DCAF10: variants seen among roughly 807,000 people sequenced by gnomAD.
The protein encoded by DCAF10 is DDB1- and CUL4-associated factor 10.
Under a neutral mutation model 51.9 loss-of-function variants are expected in DCAF10, and 19 were observed. The ratio of observed to expected loss-of-function variants is 0.37; its 90% CI spans 0.26 to 0.54. DCAF10 has a LOEUF of 0.54. DCAF10 is among the 20% of genes least tolerant of loss of function. The probability of loss-of-function intolerance (pLI) is 0.87; values close to 1 mark genes in which losing one functional copy is unlikely to be tolerated. For missense variants in DCAF10, 510 were observed against 730.6 expected, an observed-to-expected ratio of 0.70 and a Z score of 3.48; for synonymous variants, 291 against 297.1, an observed-to-expected ratio of 0.98 and a Z score of 0.21.
chr9:37,814,926 T>C (rs1228342838), intron 1 of DCAF10, among the ~76,000 whole-genome samples: 2 of 152,134 alleles, frequency 1.3e-5, no homozygotes, highest in African/African-American at 4.8e-5. Context: ...AAAATTACCA[T>C]GCAATTTCGC....
intron 6 of DCAF10, 86 bp downstream of exon 6, chr9:37,860,279 C>T (rs1047552536): frequency 6.0e-5 from 92 of 1,533,076 alleles, no homozygotes; most frequent in Non-Finnish European, 7.7e-5. Context: ...CGATCGCTGA[C>T]TGCAGTCTCT....
chr9:37,843,276 A>G (rs1459479016), intron 3 of DCAF10, among the ~76,000 whole-genome samples: 1 of 152,150 alleles, frequency 6.6e-6, no homozygotes, highest in Non-Finnish European at 1.5e-5. Context: ...CTTAGCTCCC[A>G]AAATACAAGG....
chr9:37,810,804 G>A (rs935371351), intron 1 of DCAF10, among the ~76,000 whole-genome samples: 1 of 152,056 alleles, frequency 6.6e-6, no homozygotes, highest in Non-Finnish European at 1.5e-5. Context: ...GGATAGATGA[G>A]ATTACAAGAA....
intron 3 of DCAF10, among the ~76,000 whole-genome samples, chr9:37,852,622 C>T (rs796532327): frequency 1.3e-5 from 2 of 151,998 alleles, no homozygotes; most frequent in African/African-American, 4.8e-5. Context: ...TAAAGATTTT[C>T]AGAACAGGCT....
intron 2 of DCAF10, chr9:37,836,321 A>G (rs1445384490): frequency 1.9e-6 from 3 of 1,609,160 alleles, no homozygotes; most frequent in Admixed American, 3.3e-5. Flanking sequence ...CAAAGACACA[A>G]TTAGAACAGT....
At chr9:37,836,093 A>G in intron 2 of DCAF10, 1 of 1,220,304 alleles carries the variant, frequency 8.2e-7, no homozygotes, top group South Asian at 1.2e-5. Context: ...TTGATGCTAA[A>G]GAACTTGGTA....
chr9:37,852,131 G>A (rs990858117), intron 3 of DCAF10, among the ~76,000 whole-genome samples: 1 of 152,064 alleles, frequency 6.6e-6, no homozygotes, highest in Non-Finnish European at 1.5e-5. Context: ...TAAAGACAGA[G>A]AGAAGATTCA....
chr9:37,862,697 T>A lies in DCAF10; in HGVS notation c.*1189T>A, dbSNP rs1831048894. ...AGCAGGACTCAAGCACAAGGCTGACTGTTCTACTTTGAATAACAGCTTCCT... is the reference window on the plus strand; with the variant it reads ...AGCAGGACTCAAGCACAAGGCTGACAGTTCTACTTTGAATAACAGCTTCCT... On this transcript the variant is annotated 3_prime_UTR_variant, in exon 7 of 7. Transcript: ENST00000377724. The A allele has an allele frequency of 6.6e-6, 1 of 152,274 alleles. No individual in the cohort carries two copies. Among genetic ancestry groups the A allele is most frequent in the Admixed American group, 6.5e-5 (1 of 15,294 alleles). 9.4% of individuals were successfully genotyped at this position (152,274 alleles called of 1,614,324 possible).
chr9:37,829,398 C>T lies in DCAF10; in HGVS notation c.653+9997C>T, dbSNP rs1056106647. Among the ~76,000 whole-genome samples, 5 of 152,090 alleles carry T rather than the reference C, an allele frequency of 3.3e-5. No homozygotes were observed. Among genetic ancestry groups the T allele is most frequent in the African/African-American group, 1.2e-4 (5 of 41,396 alleles). On this transcript the variant is annotated intron_variant, in intron 2 of 6. Coordinates refer to ENST00000377724, the MANE Select transcript of DCAF10 (RefSeq NM_024345.5). This position sits in a 1 kb window ranked among gnomAD's most constrained non-coding sequence, Gnocchi z 4.2. ...GAGGTTGCGGTGAGCCAAGATTGTG[C>T]CATTGCATTCCAGCCTGGGCAACAA...
chr9:37,840,650 A>G (rs1019627331), intron 2 of DCAF10, among the ~76,000 whole-genome samples: 9 of 152,212 alleles, frequency 5.9e-5, no homozygotes, highest in Non-Finnish European at 1.3e-4. Context: ...ATCGAAGGTT[A>G]ATTTATTACT....
At chr9:37,848,324 C>T (rs1830534464) in intron 3 of DCAF10, among the ~76,000 whole-genome samples, 1 of 152,112 alleles carries the variant, frequency 6.6e-6, no homozygotes, top group African/African-American at 2.4e-5. Context: ...TCCAAATATC[C>T]AGCAAGTGGT....
rs759010427 is a variant in DCAF10, at chr9:37,819,351, G to A, written c.603G>A (p.Lys201=). The A allele has an allele frequency of 1.9e-6, 3 of 1,613,760 alleles. No individual in the cohort carries two copies. In the South Asian group the frequency reaches 3.3e-5, roughly 18 times the overall value. ...EVLLFDPISS[K]HIKTLSEAHE... ...TGCTTTTTGACCCTATATCTTCAAAGCACATAAAAACACTTTCTGAAGCTC... is the reference window on the plus strand; with the variant it reads ...TGCTTTTTGACCCTATATCTTCAAAACACATAAAAACACTTTCTGAAGCTC... The change falls in exon 2 of 7, where the codon AAG becomes AAA. Residue 201 remains lysine (K), a synonymous_variant. Coordinates refer to ENST00000377724, the MANE Select transcript of DCAF10 (RefSeq NM_024345.5).
chr9:37,836,262 G>A (rs10119688), intron 2 of DCAF10: 63 of 1,568,972 alleles, frequency 4.0e-5, no homozygotes, highest in African/African-American at 5.4e-5. Context: ...AGATGTCTAC[G>A]TGGAATATAT....
chr9:37,831,356 A>G (rs995228766), intron 2 of DCAF10, among the ~76,000 whole-genome samples: 1 of 152,156 alleles, frequency 6.6e-6, no homozygotes, highest in African/African-American at 2.4e-5. Flanking sequence ...CTTTTTATAC[A>G]TTACTTAATC....
At chr9:37,805,694 G>C (rs897011019) in intron 1 of DCAF10, among the ~76,000 whole-genome samples, 1 of 152,070 alleles carries the variant, frequency 6.6e-6, no homozygotes, top group African/African-American at 2.4e-5. Flanking sequence ...AAGAAAAAAA[G>C]ACAAGATATA....
At chr9:37,810,366 A>T (rs1305496060) in intron 1 of DCAF10, among the ~76,000 whole-genome samples, 9 of 152,240 alleles carry the variant, frequency 5.9e-5, no homozygotes, top group Admixed American at 2.0e-4. Context: ...CAGTGATGTG[A>T]GCCCAGCATT....
rs574697603 is a variant in DCAF10, at chr9:37,840,892, A to G, written c.654-1197A>G. Among the ~76,000 whole-genome samples the G allele has an allele frequency of 3.7e-4, 57 of 152,124 alleles. No individual in the cohort carries two copies. In the South Asian group the frequency reaches 0.012, roughly 31 times the overall value. On this transcript the variant is annotated intron_variant, in intron 2 of 6. Coordinates refer to ENST00000377724, the MANE Select transcript of DCAF10 (RefSeq NM_024345.5). The stretch of plus-strand genomic sequence containing the variant: ...TACTGTATTTTTTCTATCTTTCAAT[A>G]TACAAATACTTACGATTGTGTTACA...
intron 2 of DCAF10, among the ~76,000 whole-genome samples, chr9:37,832,347 A>G (rs1031485100): frequency 2.6e-5 from 4 of 151,894 alleles, no homozygotes; most frequent in African/African-American, 7.3e-5. Flanking sequence ...AATCCCAGCT[A>G]TTTGGGAGGC....
intron 1 of DCAF10, among the ~76,000 whole-genome samples, chr9:37,802,143 G>A (rs1349805378): frequency 1.3e-5 from 2 of 152,154 alleles, no homozygotes; most frequent in African/African-American, 2.4e-5. Context: ...AAGCCTCTCG[G>A]TTGCTAGTTG....
Sources: allele counts gnomAD v4.1 joint callset (sites outside exome capture counted in the v4.1 genomes callset), GRCh38; gene constraint gnomAD v4.1.1; non-coding constraint Gnocchi (gnomAD v3.1); transcripts MANE v1.5; gene names NCBI Gene and HGNC (gene_info 2026-07-23, HGNC 2026-07-21).